Variants in TTC3 observed in about 807,000 individuals in gnomAD.
The protein encoded by TTC3 is E3 ubiquitin-protein ligase TTC3.
Under a neutral mutation model 249.6 loss-of-function variants are expected in TTC3, and 180 were observed. The ratio of observed to expected loss-of-function variants is 0.72; its 90% confidence interval spans 0.64 to 0.82. The LOEUF is 0.82. Ranked by LOEUF, TTC3 falls within the 40% of genes least tolerant of loss-of-function variation. The pLI is 0.00. For synonymous variants in TTC3, 717 were observed against 805.0 expected, an observed-to-expected ratio of 0.89 and a Z score of 1.85; for missense variants, 2,061 against 2,398.4, an observed-to-expected ratio of 0.86 and a Z score of 2.94.
At chr21:37,079,317 G>A (rs1444043700) in intron 1 of TTC3, among the ~76,000 whole-genome samples, 2 of 152,110 alleles carry the variant, frequency 1.3e-5, no homozygotes, top group East Asian at 3.9e-4. Flanking sequence ...TGTTCCCTGG[G>A]AGAGTTTGGA....
chr21:37,155,830 G>T (rs1162160529), intron 27 of TTC3, among the ~76,000 whole-genome samples: 1 of 152,190 alleles, frequency 6.6e-6, no homozygotes, highest in African/African-American at 2.4e-5. Context: ...GTAGAGAGGG[G>T]TGAGGACCCA....
intron 42 of TTC3, 89 bp from the exon 43 acceptor site, chr21:37,197,481 G>C: frequency 1.3e-6 from 2 of 1,501,140 alleles, no homozygotes; most frequent in Non-Finnish European, 1.8e-6. Flanking sequence ...TGTTTCTTTG[G>C]GTTGGGCTGT....
intron 35 of TTC3, among the ~76,000 whole-genome samples, chr21:37,180,847 A>C (rs963827769): frequency 6.6e-6 from 1 of 151,954 alleles, no homozygotes; most frequent in East Asian, 1.9e-4. Context: ...AAAATGTAAA[A>C]AAAAAAAAAT....
At chr21:37,111,240 A>T (rs1417635320) in intron 11 of TTC3, among the ~76,000 whole-genome samples, 1 of 152,230 alleles carries the variant, frequency 6.6e-6, no homozygotes, top group African/African-American at 2.4e-5. Context: ...AAATGCTCCA[A>T]TTAAAAGGCA....
At chr21:37,094,241 C>A in intron 8 of TTC3, 151 bp downstream of exon 8, 1 of 484,544 alleles carries the variant, frequency 2.1e-6, no homozygotes. Context: ...TCAGAGTTCT[C>A]TAATGATTTA....
chr21:37,096,469 C>T, intron 9 of TTC3, 112 bp from the exon 10 acceptor site: 1 of 700,196 alleles, frequency 1.4e-6, no homozygotes. Context: ...TTTGCTTTGC[C>T]ACACATATGT....
Position 37,194,031 on chromosome 21 carries a change from A to G in TTC3, c.5218-1644A>G, listed in dbSNP as rs145812182. 9.2e-5 allele frequency: 14 copies of G among 152,372 alleles called. No individual in the cohort carries two copies. In the East Asian group the frequency reaches 2.7e-3, roughly 29 times the overall value. The allele number at this position is 152,372 out of a possible 1,614,324, so 9.4% of individuals were successfully genotyped here. A position where few individuals can be genotyped will look rare whatever the true frequency, so the allele number is the denominator to read the frequency against. On this transcript the variant is annotated intron_variant, in intron 41 of 45. Transcript: ENST00000355666. ...CAGTGCTCCTGGAGCCTAGAGAGAC[A>G]GAGAACACACTCCTTTCATACTGTA...
intron 1 of TTC3, among the ~76,000 whole-genome samples, chr21:37,081,076 T>G (rs973123131): frequency 1.3e-5 from 2 of 151,638 alleles, no homozygotes; most frequent in African/African-American, 2.4e-5. Context: ...CTGCTGTTGC[T>G]TATACAAAGT....
intron 24 of TTC3, among the ~76,000 whole-genome samples, 187 bp downstream of exon 24, chr21:37,150,357 T>C (rs1027070029): frequency 6.6e-6 from 1 of 152,212 alleles, no homozygotes; most frequent in Admixed American, 6.5e-5. Flanking sequence ...AGCATTCTTA[T>C]ATTCTTTTAT....
chr21:37,091,170 T>C, intron 6 of TTC3, 123 bp from the exon 7 acceptor site: 1 of 999,920 alleles, frequency 1.0e-6, no homozygotes, highest in East Asian at 2.6e-5. Flanking sequence ...TAGCAAAAAA[T>C]AAGTGGTTGT....
chr21:37,146,428 A>G (rs1055339406), intron 21 of TTC3, among the ~76,000 whole-genome samples: 2 of 152,218 alleles, frequency 1.3e-5, no homozygotes, highest in Admixed American at 6.5e-5. Flanking sequence ...CTGAGGTGGA[A>G]GGGTCAGTTG....
At position 37,088,901 on chromosome 21, in the gene TTC3, G is replaced by A; in HGVS notation, c.426+15G>A. ...AGAAAGTTGCTGTAAGTGGTAGAATGTAGGTTCCCCCGAGCCCTTGGTTTA... is the reference window on the plus strand; with the variant it reads ...AGAAAGTTGCTGTAAGTGGTAGAATATAGGTTCCCCCGAGCCCTTGGTTTA... On this transcript the variant is annotated intron_variant, in intron 5 of 45. Transcript: ENST00000355666. 1.2e-6 allele frequency: 2 copies of A among 1,610,534 alleles called. No homozygotes were observed. The highest frequency in any genetic ancestry group is 1.7e-6 in the Non-Finnish European group (2 of 1,177,610).
intron 39 of TTC3, among the ~76,000 whole-genome samples, chr21:37,189,898 G>C (rs2083806041): frequency 0.034 from 3 of 88 alleles, no homozygotes; most frequent in South Asian, 0.21. Context: ...TTAAGATAAG[G>C]CTTGCTGGGA....
At chr21:37,185,615 GT>G (rs1283024787) in intron 36 of TTC3, 90 bp from the exon 37 acceptor site, 33 of 588,826 alleles carry the variant, frequency 5.6e-5, no homozygotes, top group Admixed American at 2.2e-4. Flanking sequence ...ATCAAGAAAT[GT>G]TTTTAAGGAT....
chr21:37,124,909 T>A (rs1319196971), intron 14 of TTC3, among the ~76,000 whole-genome samples, 167 bp downstream of exon 14: 3 of 152,256 alleles, frequency 2.0e-5, no homozygotes, highest in African/African-American at 7.2e-5. Context: ...GAGTATCTCA[T>A]ATAACTACGT....
At chr21:37,147,067 T>G (rs2079044289) in intron 21 of TTC3, among the ~76,000 whole-genome samples, 1 of 151,434 alleles carries the variant, frequency 6.6e-6, no homozygotes, top group African/African-American at 2.4e-5. Flanking sequence ...ATAATGGGAG[T>G]GTTAGGATTC....
intron 11 of TTC3, among the ~76,000 whole-genome samples, chr21:37,117,050 G>A (rs1264039237): frequency 9.4e-6 from 1 of 106,318 alleles, no homozygotes; most frequent in Non-Finnish European, 2.3e-5. Flanking sequence ...TTTTTTAAAT[G>A]AACTTTATAT....
chr21:37,187,047 A>G lies in TTC3; in HGVS notation c.4827-2A>G. The stretch of plus-strand genomic sequence containing the variant: ...GTTTTTTTTTTCCTTCAATATTTGT[A>G]GCAACACACTTACAAATGAGAAAAT... On this transcript the variant is annotated splice_acceptor_variant, in intron 37 of 45. Transcript: ENST00000355666. LOFTEE classifies it high-confidence loss of function. 6.6e-7 allele frequency: 1 copy of G among 1,525,298 alleles called. No homozygotes were observed. Among genetic ancestry groups the G allele is most frequent in the Non-Finnish European group, 8.8e-7 (1 of 1,141,554 alleles). 94.5% of individuals were successfully genotyped at this position (1,525,298 alleles called of 1,614,324 possible). A position where few individuals can be genotyped will look rare whatever the true frequency, so the allele number is the denominator to read the frequency against.
intron 1 of TTC3, chr21:37,082,756 G>A: frequency 3.0e-6 from 3 of 984,880 alleles, no homozygotes; most frequent in Non-Finnish European, 3.6e-6. Flanking sequence ...CCTCCCAACA[G>A]TACATTCCCC....
Sources: gnomAD v4.1 joint callset for allele counts (sites outside exome capture counted in the v4.1 genomes callset) on GRCh38, gnomAD v4.1.1 for gene constraint, MANE v1.5 for transcripts, NCBI Gene and HGNC (gene_info 2026-07-23, HGNC 2026-07-21) for gene names.